CFAP77: variants seen among roughly 807,000 people sequenced by gnomAD.
The protein encoded by CFAP77 is cilia- and flagella-associated protein 77.
Under a neutral mutation model 31.1 loss-of-function variants are expected in CFAP77, and 25 were observed. The ratio of observed to expected loss-of-function variants is 0.80; its 90% CI spans 0.59 to 1.12. CFAP77 has a LOEUF of 1.12. CFAP77 is among the 50% of genes most tolerant of loss of function. The probability of loss-of-function intolerance (pLI) is 0.00; values close to 1 mark genes in which losing one functional copy is unlikely to be tolerated. For synonymous variants in CFAP77, 151 were observed against 159.9 expected (o/e 0.94, Z 0.42); for missense variants, 377 against 397.3 (o/e 0.95, Z 0.44).
intron 1 of CFAP77, among the ~76,000 whole-genome samples, chr9:132,486,034 ATATATATG>A (rs1240604588): frequency 7.7e-4 from 18 of 23,410 alleles, no homozygotes; most frequent in African/African-American, 3.5e-3. Flanking sequence ...ATATATATAT[ATATATATG>A]TATGTATATG....
At chr9:132,428,249 A>G (rs986494277) in intron 1 of CFAP77, among the ~76,000 whole-genome samples, 6 of 151,752 alleles carry the variant, frequency 4.0e-5, no homozygotes, top group Admixed American at 3.9e-4. Flanking sequence ...GGCTCAAGCA[A>G]TCCTCCTGCA....
At chr9:132,483,968 A>C in intron 1 of CFAP77, among the ~76,000 whole-genome samples, 2 of 133,450 alleles carry the variant, frequency 1.5e-5, no homozygotes, top group South Asian at 2.3e-4. Context: ...ACACATTCTC[A>C]CTCTGTTGCT....
chr9:132,518,004 G>T (rs1852178468), intron 3 of CFAP77, among the ~76,000 whole-genome samples: 1 of 152,074 alleles, frequency 6.6e-6, no homozygotes, highest in Admixed American at 6.5e-5. Flanking sequence ...TGTTGCTAGT[G>T]GGCGCGTCCG....
At chr9:132,428,646 T>A (rs1850354814) in intron 1 of CFAP77, among the ~76,000 whole-genome samples, 1 of 151,974 alleles carries the variant, frequency 6.6e-6, no homozygotes, top group African/African-American at 2.4e-5. Context: ...ACAAACACCC[T>A]GTACGGGAAA....
intron 3 of CFAP77, among the ~76,000 whole-genome samples, chr9:132,522,667 T>G (rs1386703728): frequency 1.3e-5 from 2 of 152,242 alleles, no homozygotes; most frequent in African/African-American, 4.8e-5. Flanking sequence ...ACTGCATTCT[T>G]GAAAGGTCAA....
At chr9:132,547,987 G>A (rs1234565047) in intron 5 of CFAP77, among the ~76,000 whole-genome samples, 1 of 152,130 alleles carries the variant, frequency 6.6e-6, no homozygotes, top group Non-Finnish European at 1.5e-5. Flanking sequence ...ACATCCTTCT[G>A]CCCAAAGATG....
chr9:132,453,638 C>A (rs1013115547), intron 1 of CFAP77, among the ~76,000 whole-genome samples: 2 of 152,188 alleles, frequency 1.3e-5, no homozygotes, highest in Admixed American at 6.5e-5. Flanking sequence ...CCACAGAAAC[C>A]GTTTGTTTTC....
chr9:132,435,055 C>T (rs1850480579), intron 1 of CFAP77, among the ~76,000 whole-genome samples: 1 of 152,174 alleles, frequency 6.6e-6, no homozygotes, highest in South Asian at 2.1e-4. Context: ...TTAACATGGA[C>T]TCAAGTGGAT....
intron 1 of CFAP77, among the ~76,000 whole-genome samples, chr9:132,411,892 T>C (rs1232909401): frequency 5.4e-5 from 8 of 148,776 alleles, no homozygotes; most frequent in African/African-American, 1.8e-4. Context: ...CACACACACA[T>C]ACATGCATAT....
chr9:132,416,600 C>G (rs369968077), intron 1 of CFAP77, among the ~76,000 whole-genome samples: 1 of 150,184 alleles, frequency 6.7e-6, no homozygotes, highest in African/African-American at 2.5e-5. Context: ...GCCTCAGGCT[C>G]CCAAAGTGCT....
intron 5 of CFAP77, among the ~76,000 whole-genome samples, chr9:132,562,357 C>T (rs1365880678): frequency 6.6e-6 from 1 of 152,240 alleles, no homozygotes; most frequent in African/African-American, 2.4e-5. Flanking sequence ...TCTCCTCCCT[C>T]CCAGAGGCAG....
intron 4 of CFAP77, among the ~76,000 whole-genome samples, chr9:132,541,899 C>A (rs1043323475): frequency 6.6e-6 from 1 of 151,936 alleles, no homozygotes; most frequent in Non-Finnish European, 1.5e-5. Flanking sequence ...GGAGGTGACG[C>A]GGAAGGTTTA....
intron 3 of CFAP77, among the ~76,000 whole-genome samples, chr9:132,519,572 A>G (rs1247782310): frequency 3.6e-4 from 38 of 105,352 alleles, no homozygotes; most frequent in East Asian, 4.4e-4. Context: ...GGATGGATGG[A>G]TAGATGGATG....
At chr9:132,560,207 G>A (rs929650113) in intron 5 of CFAP77, among the ~76,000 whole-genome samples, 4 of 152,184 alleles carry the variant, frequency 2.6e-5, no homozygotes, top group African/African-American at 9.7e-5. Context: ...TTAAAAAATA[G>A]CCCAGTTGGA....
Position 132,554,349 on chromosome 9 carries a change from AT to A in CFAP77, c.732+11305del, listed in dbSNP as rs1210587976. ...TTTATGCAACCCTTATTTTTATTTTATTTATTTTTTTTTTTGAGACAGGCTC... is the reference window on the plus strand; with the variant it reads ...TTTATGCAACCCTTATTTTTATTTTATTATTTTTTTTTTTGAGACAGGCTC... On this transcript the variant is annotated intron_variant, in intron 5 of 5. Coordinates refer to ENST00000393216, the MANE Select transcript of CFAP77 (RefSeq NM_001282957.2). The surrounding 1 kb of genome is among the most constrained non-coding windows in gnomAD (Gnocchi z 4.1). Among the ~76,000 whole-genome samples the A allele has an allele frequency of 6.6e-6, 1 of 150,480 alleles. No individual in the cohort carries two copies. Among genetic ancestry groups the A allele is most frequent in the Non-Finnish European group, 1.5e-5 (1 of 67,800 alleles).
chr9:132,512,938 A>G (rs7867332), intron 3 of CFAP77, among the ~76,000 whole-genome samples: 11,647 of 152,166 alleles, frequency 0.077, 573 homozygotes, highest in South Asian at 0.13. Context: ...CAAGGGTAAA[A>G]CTCCATTTCA....
chr9:132,414,945 G>C (rs185985382), intron 1 of CFAP77, among the ~76,000 whole-genome samples: 1 of 152,258 alleles, frequency 6.6e-6, no homozygotes, highest in African/African-American at 2.4e-5. Flanking sequence ...CGAACATAAA[G>C]GCACGGAGAG....
chr9:132,429,537 CAAAAAAAAAA>C (rs762588728), intron 1 of CFAP77, among the ~76,000 whole-genome samples: 1 of 39,466 alleles, frequency 2.5e-5, no homozygotes, highest in African/African-American at 9.6e-5. Flanking sequence ...GACTTCAACT[CAAAAAAAAAA>C]AAAAAAAAAA....
intron 1 of CFAP77, among the ~76,000 whole-genome samples, chr9:132,453,247 G>A (rs541050597): frequency 2.3e-4 from 35 of 152,248 alleles, no homozygotes; most frequent in African/African-American, 6.5e-4. Flanking sequence ...AATATAGGCC[G>A]GGCGCAGTGG....
Sources: allele counts gnomAD v4.1 joint callset (sites outside exome capture counted in the v4.1 genomes callset), GRCh38; gene constraint gnomAD v4.1.1; non-coding constraint Gnocchi (gnomAD v3.1); transcripts MANE v1.5; gene names NCBI Gene and HGNC (gene_info 2026-07-23, HGNC 2026-07-21).